The following TTYH2 variants were observed in gnomAD, a reference collection of about 807,000 sequenced individuals.
TTYH2 encodes protein tweety homolog 2.
Under a neutral mutation model 68.3 loss-of-function variants are expected in TTYH2, and 49 were observed. The observed-to-expected ratio is 0.72, with a 90% CI of 0.57 to 0.91. TTYH2 has a LOEUF of 0.91. Among genes scored for constraint, TTYH2 ranks in the 40% least tolerant of loss-of-function variants. The pLI, the probability that TTYH2 is intolerant of heterozygous loss-of-function variation, is 0.00. For missense variants in TTYH2, 631 were observed against 700.4 expected (o/e 0.90, Z 1.12); for synonymous variants, 272 against 300.8 (o/e 0.90, Z 0.99).
intron 2 of TTYH2, among the ~76,000 whole-genome samples, chr17:74,227,017 C>G (rs1042294763): frequency 6.6e-6 from 1 of 152,106 alleles, no homozygotes; most frequent in African/African-American, 2.4e-5. Context: ...CTCTGTCGCC[C>G]AGGCTGGAGT....
intron 2 of TTYH2, among the ~76,000 whole-genome samples, chr17:74,226,052 C>T (rs73356613): frequency 0.043 from 6,508 of 152,242 alleles, 432 homozygotes; most frequent in African/African-American, 0.15. Flanking sequence ...CTTAAGCCCC[C>T]GGATGGGGTG....
chr17:74,233,193 C>T (rs1486426060), intron 3 of TTYH2, among the ~76,000 whole-genome samples: 2 of 152,126 alleles, frequency 1.3e-5, no homozygotes, highest in African/African-American at 4.8e-5. Context: ...CCCCTAGGGC[C>T]CAGGTGTAGC....
At chr17:74,246,014 CTGGGGCCACCCCTCG>C (rs975323596) in intron 6 of TTYH2, among the ~76,000 whole-genome samples, 27 of 152,310 alleles carry the variant, frequency 1.8e-4, no homozygotes, top group African/African-American at 6.3e-4. Context: ...CTTCCAGGCC[CTGGGGCCACCCCTCG>C]TGGTCAGCAC....
rs1233846051 is a variant in TTYH2 at position 74,260,266 on chromosome 17, T to C, written c.*57T>C. 1.3e-6 allele frequency: 2 copies of C among 1,555,386 alleles called. No individual in the cohort carries two copies. Among genetic ancestry groups the C allele is most frequent in the Non-Finnish European group, 1.8e-6 (2 of 1,129,274 alleles). ...CGTTCTGGTTTTTAATTAGTGCAAA[T>C]ACAAGCTGCGTTTCTTTAATAGAAA... is the stretch of plus-strand genomic sequence containing the variant. On this transcript the variant is annotated 3_prime_UTR_variant, in exon 14 of 14. Transcript: ENST00000269346.
At chr17:74,238,511 G>A (rs189465814) in intron 4 of TTYH2, among the ~76,000 whole-genome samples, 5 of 151,954 alleles carry the variant, frequency 3.3e-5, no homozygotes, top group African/African-American at 7.2e-5. Context: ...TGATCCTCCC[G>A]CCTCAGCCTC....
intron 1 of TTYH2, among the ~76,000 whole-genome samples, chr17:74,221,251 G>A (rs934217175): frequency 1.6e-4 from 24 of 152,320 alleles, no homozygotes; most frequent in African/African-American, 4.6e-4. Flanking sequence ...AGACCTGCCC[G>A]CATCTCACAG....
In TTYH2 at chr17:74,215,477, G is replaced by A. The variant is rs544092754; in HGVS notation, c.129+1761G>A. 1.5e-4 allele frequency: 106 copies of A among 685,588 alleles called. No homozygotes were observed. In the East Asian group the frequency reaches 2.7e-3, roughly 18 times the overall value. The allele number at this position is 685,588 out of a possible 1,614,324, so 42.5% of individuals were successfully genotyped here. The stretch of plus-strand genomic sequence containing the variant: ...CCAGATGAACCTACCTCCAGCCTCT[G>A]CCCCTCCTCCCAGGATTCTGGCCCC... On this transcript the variant is annotated intron_variant, in intron 1 of 13. Transcript: ENST00000269346. This position sits in a 1 kb window ranked among gnomAD's most constrained non-coding sequence, Gnocchi z 4.3.
At chr17:74,225,213 A>G (rs1370948201) in intron 2 of TTYH2, among the ~76,000 whole-genome samples, 1 of 151,940 alleles carries the variant, frequency 6.6e-6, no homozygotes, top group East Asian at 1.9e-4. Context: ...GCCCAGAGGC[A>G]GGAGCGAGCA....
intron 3 of TTYH2, among the ~76,000 whole-genome samples, chr17:74,231,702 G>A (rs994758789): frequency 6.6e-6 from 1 of 151,822 alleles, no homozygotes; most frequent in African/African-American, 2.4e-5. Context: ...AAAAAAAATT[G>A]AAGAGCCCCG....
intron 3 of TTYH2, among the ~76,000 whole-genome samples, chr17:74,234,137 C>A (rs1373970134): frequency 6.6e-6 from 1 of 152,150 alleles, no homozygotes; most frequent in Non-Finnish European, 1.5e-5. Context: ...ATTGCAGGGC[C>A]CTGCCCCCAG....
chr17:74,248,808 A>G (rs1289980799), intron 6 of TTYH2: 17 of 1,421,890 alleles, frequency 1.2e-5, no homozygotes, highest in Non-Finnish European at 1.4e-5. Flanking sequence ...ACCGGGGCAC[A>G]GGAAGAATAA....
chr17:74,260,416 C>G lies in TTYH2; in HGVS notation c.*207C>G. On this transcript the variant is annotated 3_prime_UTR_variant, in exon 14 of 14. Transcript: ENST00000269346. The stretch of plus-strand genomic sequence containing the variant: ...GCCAGCCTCTCTCTTTTGCCCTGCT[C>G]TCCACACCAGAAATGCCCCCAGGTG... The G allele has an allele frequency of 1.7e-6, 1 of 585,184 alleles. No homozygotes were observed. The highest frequency in any genetic ancestry group is 2.9e-5 in the East Asian group (1 of 34,144). The allele number at this position is 585,184 out of a possible 1,614,324, so 36.2% of individuals were successfully genotyped here.
At position 74,260,315 on chromosome 17, in the gene TTYH2, G is replaced by T; in HGVS notation, c.*106G>T. On this transcript the variant is annotated 3_prime_UTR_variant, in exon 14 of 14. Coordinates refer to ENST00000269346, the MANE Select transcript of TTYH2 (RefSeq NM_032646.6). ...AACCAAAGGCATCTGGAGCCCGAGA[G>T]GCCTCCTGCTGTGGCAGAGGAGCAG... 2 of 1,192,210 alleles carry T rather than the reference G, an allele frequency of 1.7e-6. No homozygotes were observed. The highest frequency in any genetic ancestry group is 2.4e-6 in the Non-Finnish European group (2 of 816,926). The allele number at this position is 1,192,210 out of a possible 1,614,324, so 73.9% of individuals were successfully genotyped here.
chr17:74,219,215 C>CA (rs567646208), intron 1 of TTYH2, among the ~76,000 whole-genome samples: 1,892 of 131,176 alleles, frequency 0.014, 49 homozygotes, highest in Middle Eastern at 0.038. Context: ...GACTCCGTCT[C>CA]AAAAAAAAAA....
At chr17:74,252,403 C>T (rs1401446934) in intron 11 of TTYH2, 27 bp downstream of exon 11, 2 of 1,608,504 alleles carry the variant, frequency 1.2e-6, no homozygotes, top group South Asian at 2.2e-5. Context: ...GGAGGGGAGC[C>T]TCCCACAGCC....
rs1450312255 is a variant in TTYH2 at position 74,232,164 on chromosome 17, C to T, written c.414+1165C>T. Among the ~76,000 whole-genome samples, 2 of 152,216 alleles carry T rather than the reference C, an allele frequency of 1.3e-5. No homozygotes were observed. Among genetic ancestry groups the T allele is most frequent in the Non-Finnish European group, 2.9e-5 (2 of 68,040 alleles). ...CCCAACAGGAGAATTTGGCCATTGC[C>T]CCGGCATCCTCCAGAAGAGGATTGG... On this transcript the variant is annotated intron_variant, in intron 3 of 13. Coordinates refer to ENST00000269346, the MANE Select transcript of TTYH2 (RefSeq NM_032646.6). The surrounding 1 kb of genome is among the most constrained non-coding windows in gnomAD (Gnocchi z 5.1).
intron 13 of TTYH2, among the ~76,000 whole-genome samples, chr17:74,254,464 GGCCAGCTAATT>G (rs1345171267): frequency 6.6e-6 from 1 of 152,130 alleles, no homozygotes; most frequent in Non-Finnish European, 1.5e-5. Flanking sequence ...CACCGCGCCC[GGCCAGCTAATT>G]GCCTTTATCC....
At chr17:74,221,080 A>G (rs1306224798) in intron 1 of TTYH2, among the ~76,000 whole-genome samples, 1 of 152,134 alleles carries the variant, frequency 6.6e-6, no homozygotes, top group Non-Finnish European at 1.5e-5. Context: ...GGCGTGAGCC[A>G]CCACACCTGG....
In TTYH2 at chr17:74,222,676, T is replaced by C. The variant is rs2050288632; in HGVS notation, c.302+19T>C. ...TCTGCTGGTGAGTGTCCCTGGACGCTGGGCTTGGGGTGTGTGACTCAGTCT... is the reference window on the plus strand; with the variant it reads ...TCTGCTGGTGAGTGTCCCTGGACGCCGGGCTTGGGGTGTGTGACTCAGTCT... On this transcript the variant is annotated intron_variant, in intron 2 of 13. Coordinates refer to ENST00000269346, the MANE Select transcript of TTYH2 (RefSeq NM_032646.6). This position sits in a 1 kb window ranked among gnomAD's most constrained non-coding sequence, Gnocchi z 5.2. 1.3e-6 allele frequency: 2 copies of C among 1,598,984 alleles called. No homozygotes were observed. Among genetic ancestry groups the C allele is most frequent in the South Asian group, 1.1e-5 (1 of 90,012 alleles).
Sources: allele counts gnomAD v4.1 joint callset (sites outside exome capture counted in the v4.1 genomes callset), GRCh38; gene constraint gnomAD v4.1.1; non-coding constraint Gnocchi (gnomAD v3.1); transcripts MANE v1.5; gene names NCBI Gene and HGNC (gene_info 2026-07-23, HGNC 2026-07-21).